The following PRPSAP2 variants were observed in gnomAD, a reference collection of about 807,000 sequenced individuals.
The protein encoded by PRPSAP2 is phosphoribosyl pyrophosphate synthetase associated protein 2.
PRPSAP2 carries 24 observed loss-of-function variants against 40.6 expected under a neutral mutation model. That is an observed-to-expected ratio of 0.59 (90% CI 0.43 to 0.83). The LOEUF (loss-of-function observed/expected upper bound fraction) is 0.83, where lower values mean the gene tolerates loss of function less well. PRPSAP2 is among the 40% of genes least tolerant of loss of function. The pLI, the probability that PRPSAP2 is intolerant of heterozygous loss-of-function variation, is 0.00. For missense variants in PRPSAP2, 292 were observed against 465.6 expected, an observed-to-expected ratio of 0.63 and a Z score of 3.43; for synonymous variants, 149 against 164.7, an observed-to-expected ratio of 0.90 and a Z score of 0.73.
At chr17:18,908,085 GAGATCATGTGACCGCACTAGCCA>G (rs1478408440) in intron 8 of PRPSAP2, among the ~76,000 whole-genome samples, 3 of 152,100 alleles carry the variant, frequency 2.0e-5, no homozygotes, top group African/African-American at 7.2e-5. Context: ...GCAGTGAGCC[GAGATCATGTGACCGCACTAGCCA>G]AGATCACGCC....
At chr17:18,893,807 C>T (rs1411145734) in intron 8 of PRPSAP2, among the ~76,000 whole-genome samples, 3 of 152,084 alleles carry the variant, frequency 2.0e-5, no homozygotes, top group Non-Finnish European at 4.4e-5. Flanking sequence ...GTGATCTTGA[C>T]CTCAAATGAT....
At chr17:18,889,020 C>A (rs939159427) in intron 7 of PRPSAP2, among the ~76,000 whole-genome samples, 1 of 152,022 alleles carries the variant, frequency 6.6e-6, no homozygotes, top group Non-Finnish European at 1.5e-5. Context: ...TTTGATGAGA[C>A]AAGGAAATAC....
Position 18,890,558 on chromosome 17 carries a change from C to T in PRPSAP2, c.584+681C>T, listed in dbSNP as rs143565887. On this transcript the variant is annotated intron_variant, in intron 8 of 11. Coordinates refer to ENST00000268835, the MANE Select transcript of PRPSAP2 (RefSeq NM_002767.4). ...CTGAGGCTCAAACGATCCACCCACCCGCCTTACCCTCCCAAAGTGCTGGGA... is the reference window on the plus strand; with the variant it reads ...CTGAGGCTCAAACGATCCACCCACCTGCCTTACCCTCCCAAAGTGCTGGGA... 5.3e-5 allele frequency among the ~76,000 whole-genome samples: 8 copies of T among 152,060 alleles called. No homozygotes were observed. The East Asian group carries it at 5.8e-4, about 11-fold the overall frequency.
At chr17:18,927,955 T>C (rs2042057004) in intron 10 of PRPSAP2, among the ~76,000 whole-genome samples, 1 of 152,050 alleles carries the variant, frequency 6.6e-6, no homozygotes, top group Non-Finnish European at 1.5e-5. Context: ...ATTTTTGCTT[T>C]TCTGTTTTTG....
chr17:18,918,338 T>C (rs1597741248), intron 9 of PRPSAP2, among the ~76,000 whole-genome samples: 1 of 152,118 alleles, frequency 6.6e-6, no homozygotes, highest in East Asian at 1.9e-4. Flanking sequence ...TAGGCCAAGA[T>C]GGTGGAAAGC....
upstream of PRPSAP2, among the ~76,000 whole-genome samples, chr17:18,857,086 G>C (rs7221935): frequency 0.66 from 99,800 of 152,024 alleles, 33,054 homozygotes; most frequent in East Asian, 0.77. Context: ...GTAACCCCAG[G>C]ACTTTAGGAG....
intron 9 of PRPSAP2, chr17:18,917,655 G>C (rs2041448418): frequency 7.9e-6 from 1 of 126,754 alleles, no homozygotes; most frequent in African/African-American, 3.0e-5. Context: ...GGCCAGGCTG[G>C]CCTCGAACTG....
At chr17:18,870,402 AAAG>A (rs1323962605) in intron 4 of PRPSAP2, among the ~76,000 whole-genome samples, 2 of 152,106 alleles carry the variant, frequency 1.3e-5, no homozygotes, top group Non-Finnish European at 2.9e-5. Flanking sequence ...TGTCCCAAAA[AAAG>A]AAAAAAAATG....
At chr17:18,871,763 C>G (rs1384944507) in intron 4 of PRPSAP2, among the ~76,000 whole-genome samples, 1 of 151,164 alleles carries the variant, frequency 6.6e-6, no homozygotes, top group Admixed American at 6.6e-5. Flanking sequence ...TGGGTTCAAG[C>G]GATTCTCCTG....
intron 8 of PRPSAP2, among the ~76,000 whole-genome samples, chr17:18,899,501 T>C (rs2040129670): frequency 6.6e-6 from 1 of 150,826 alleles, no homozygotes; most frequent in Non-Finnish European, 1.5e-5. Context: ...CATTCTGCTG[T>C]TGAGTATATC....
intron 5 of PRPSAP2, among the ~76,000 whole-genome samples, chr17:18,877,020 A>C (rs2038350174): frequency 1.3e-5 from 2 of 152,130 alleles, no homozygotes; most frequent in African/African-American, 2.4e-5. Context: ...AGGGAACAGA[A>C]AGAGAGGACA....
chr17:18,902,823 T>G (rs1224704517), intron 8 of PRPSAP2, among the ~76,000 whole-genome samples: 1 of 138,154 alleles, frequency 7.2e-6, no homozygotes, highest in Non-Finnish European at 1.5e-5. Context: ...TAGTCAGGAT[T>G]GCGCCATTGT....
At chr17:18,920,414 A>T (rs2079905885) in intron 9 of PRPSAP2, among the ~76,000 whole-genome samples, 1 of 152,166 alleles carries the variant, frequency 6.6e-6, no homozygotes, top group African/African-American at 2.4e-5. Flanking sequence ...TGTTTCATTC[A>T]TAATTTTAAT....
chr17:18,896,580 C>CTTTTTTTTTTTT (rs58391876), intron 8 of PRPSAP2, among the ~76,000 whole-genome samples: 1 of 104,756 alleles, frequency 9.5e-6, no homozygotes, highest in African/African-American at 3.7e-5. Context: ...CCAGATTTTC[C>CTTTTTTTTTTTT]TTTTTTTTTT....
At chr17:18,877,610 G>A in intron 5 of PRPSAP2, 88 bp from the exon 6 acceptor site, 1 of 1,275,106 alleles carries the variant, frequency 7.8e-7, no homozygotes, top group South Asian at 1.5e-5. Flanking sequence ...TTGTATAAAG[G>A]CATGAGTAAC....
At chr17:18,922,694 G>A (rs563444505) in intron 9 of PRPSAP2, among the ~76,000 whole-genome samples, 137 of 99,258 alleles carry the variant, frequency 1.4e-3, no homozygotes, top group African/African-American at 4.3e-3. Context: ...TTTTTTTTGC[G>A]ACAGGGCCTC....
chr17:18,884,131 G>T (rs1443137753), intron 7 of PRPSAP2, among the ~76,000 whole-genome samples: 1 of 152,086 alleles, frequency 6.6e-6, no homozygotes, highest in East Asian at 1.9e-4. Flanking sequence ...GCTGGATGTG[G>T]TGGCGCGTGC....
intron 1 of PRPSAP2, chr17:18,859,444 A>T (rs969136529): frequency 6.6e-6 from 1 of 152,148 alleles, no homozygotes; most frequent in Non-Finnish European, 1.5e-5. Context: ...AGACCGAGCT[A>T]TTTTTGCTGC....
intron 8 of PRPSAP2, chr17:18,904,554 A>C (rs1423219054): frequency 6.6e-6 from 1 of 152,132 alleles, no homozygotes; most frequent in Non-Finnish European, 1.5e-5. Context: ...TGTTGGGATA[A>C]CAGGCGTGAG....
Sources: gnomAD v4.1 joint callset for allele counts (sites outside exome capture counted in the v4.1 genomes callset) on GRCh38, gnomAD v4.1.1 for gene constraint, MANE v1.5 for transcripts, NCBI Gene and HGNC (gene_info 2026-07-23, HGNC 2026-07-21) for gene names.